AKT3: variants seen among roughly 807,000 people sequenced by gnomAD.
AKT3 encodes the protein RAC-gamma serine/threonine-protein kinase.
AKT3 carries 15 observed loss-of-function variants against 65.3 expected under a neutral mutation model. The ratio of observed to expected loss-of-function variants is 0.23; its 90% CI spans 0.15 to 0.35. The LOEUF (loss-of-function observed/expected upper bound fraction) is 0.35, where lower values mean the gene tolerates loss of function less well. AKT3 is among the 10% of genes least tolerant of loss of function. AKT3 has a pLI of 1.00. For missense variants in AKT3, 243 were observed against 576.5 expected, an observed-to-expected ratio of 0.42 and a Z score of 5.92; for synonymous variants, 206 against 183.8, an observed-to-expected ratio of 1.12 and a Z score of -0.98.
At position 243,503,178 on chromosome 1, in the gene AKT3, T is replaced by C; in HGVS notation, c.*2071A>G. 4.3e-6 allele frequency: 1 copy of C among 233,642 alleles called. No homozygotes were observed. Among genetic ancestry groups the C allele is most frequent in the Non-Finnish European group, 8.5e-6 (1 of 118,028 alleles). 14.5% of individuals were successfully genotyped at this position (233,642 alleles called of 1,614,324 possible). A position where few individuals can be genotyped will look rare whatever the true frequency, so the allele number is the denominator to read the frequency against. On this transcript the variant is annotated 3_prime_UTR_variant, in exon 14 of 14. Coordinates refer to ENST00000673466, the MANE Select transcript of AKT3 (RefSeq NM_005465.7). ...GTAACTTCCTACTCAATACTAAGGA[T>C]GAACTTCACTCAGGTAGAAATATGA...
chr1:243,642,461 C>T (rs1161394942), intron 5 of AKT3, among the ~76,000 whole-genome samples: 1 of 152,170 alleles, frequency 6.6e-6, no homozygotes, highest in Non-Finnish European at 1.5e-5. Context: ...AGGCGCCCGC[C>T]ACCACGCCTG....
At chr1:243,804,287 T>C (rs1198094533) in intron 2 of AKT3, among the ~76,000 whole-genome samples, 2 of 152,214 alleles carry the variant, frequency 1.3e-5, no homozygotes, top group Non-Finnish European at 2.9e-5. Context: ...AATTAATCAT[T>C]TTGTCTATCT....
intron 2 of AKT3, among the ~76,000 whole-genome samples, chr1:243,778,917 ATTC>A (rs1352164478): frequency 7.0e-6 from 1 of 142,140 alleles, no homozygotes; most frequent in Non-Finnish European, 1.5e-5. Flanking sequence ...TATTCTTCCG[ATTC>A]TTTTTTTTTT....
At chr1:243,711,164 C>A (rs1047795991) in intron 2 of AKT3, among the ~76,000 whole-genome samples, 18 of 152,018 alleles carry the variant, frequency 1.2e-4, no homozygotes, top group Non-Finnish European at 2.1e-4. Context: ...ACTAAAAATA[C>A]AAAAATTAGC....
At position 243,629,668 on chromosome 1, in the gene AKT3, T is replaced by C. The variant is rs28495986; in HGVS notation, c.561+7943A>G. 2.6e-3 allele frequency among the ~76,000 whole-genome samples: 402 copies of C among 152,226 alleles called. 3 individuals are homozygous for C. The highest frequency in any genetic ancestry group is 9.2e-3 in the African/African-American group (381 of 41,524). ...TTAGCCAGGCGTGGTGGTGGGCACC[T>C]GTAGTCCCAGCTACTCAGGAGGCTG... On this transcript the variant is annotated intron_variant, in intron 6 of 13. Coordinates refer to ENST00000673466, the MANE Select transcript of AKT3 (RefSeq NM_005465.7).
In AKT3 at chr1:243,850,101, G is replaced by A. The variant is rs1481479668; in HGVS notation, c.-174C>T. ...TGCTCGGGCGGCGGCGGAGGATGGA[G>A]CCGGGGGGGGGCGGGGGGAGGAGAG... On this transcript the variant is annotated 5_prime_UTR_variant, in exon 1 of 14. Transcript: ENST00000673466. The A allele has an allele frequency of 1.0e-5, 2 of 196,740 alleles. No individual in the cohort carries two copies. Among genetic ancestry groups the A allele is most frequent in the African/African-American group, 5.0e-5 (2 of 40,378 alleles). 12.2% of individuals were successfully genotyped at this position (196,740 alleles called of 1,614,324 possible).
chr1:243,741,424 C>CCA (rs1408967997), intron 2 of AKT3, among the ~76,000 whole-genome samples: 7 of 152,094 alleles, frequency 4.6e-5, no homozygotes, highest in African/African-American at 7.2e-5. Context: ...TTTACAGTGA[C>CCA]CATTCTATCA....
intron 12 of AKT3, among the ~76,000 whole-genome samples, chr1:243,532,804 C>T (rs1013126888): frequency 1.2e-4 from 18 of 152,090 alleles, no homozygotes; most frequent in African/African-American, 4.3e-4. Context: ...GGGAGGTTTG[C>T]GATTAGTGAT....
chr1:243,644,072 G>A (rs1680632084), intron 5 of AKT3, among the ~76,000 whole-genome samples: 1 of 152,102 alleles, frequency 6.6e-6, no homozygotes, highest in Non-Finnish European at 1.5e-5. Context: ...AAAGTTAACA[G>A]AACTTCAAAC....
chr1:243,627,171 CAGA>C (rs1262496751), intron 6 of AKT3, among the ~76,000 whole-genome samples: 1 of 152,094 alleles, frequency 6.6e-6, no homozygotes, highest in African/African-American at 2.4e-5. Flanking sequence ...GACATGGTTT[CAGA>C]AGTTCTCAAA....
intron 6 of AKT3, among the ~76,000 whole-genome samples, chr1:243,624,023 T>C (rs1437902656): frequency 2.0e-5 from 3 of 152,176 alleles, no homozygotes; most frequent in Admixed American, 6.5e-5. Context: ...ACAATAACCA[T>C]GAGTCTTTTC....
intron 8 of AKT3, among the ~76,000 whole-genome samples, chr1:243,597,946 G>C (rs1184112573): frequency 6.6e-6 from 1 of 152,150 alleles, no homozygotes; most frequent in Non-Finnish European, 1.5e-5. Context: ...TCTCTGTAAT[G>C]AATGTACATT....
chr1:243,548,057 G>C (rs1672796928), intron 11 of AKT3: 1 of 152,172 alleles, frequency 6.6e-6, no homozygotes. Context: ...AAACTCCTTT[G>C]AAGGCAAGAT....
intron 3 of AKT3, among the ~76,000 whole-genome samples, chr1:243,688,347 T>C (rs1160718282): frequency 2.0e-5 from 3 of 152,134 alleles, no homozygotes; most frequent in African/African-American, 7.2e-5. Context: ...ATATAGGCTA[T>C]AAACACAGTT....
At chr1:243,497,569 G>A (rs1668330630), downstream of AKT3, among the ~76,000 whole-genome samples, 1 of 152,168 alleles carries the variant, frequency 6.6e-6, no homozygotes, top group African/African-American at 2.4e-5. Context: ...TTCTGGAACA[G>A]CTCCGATAGT....
At chr1:243,667,702 G>A (rs1193001714) in intron 3 of AKT3, among the ~76,000 whole-genome samples, 1 of 152,174 alleles carries the variant, frequency 6.6e-6, no homozygotes, top group Non-Finnish European at 1.5e-5. Context: ...AAGTTCTGCA[G>A]TGTTTCAGTT....
intron 13 of AKT3, among the ~76,000 whole-genome samples, chr1:243,509,345 A>G (rs1669876039): frequency 6.6e-6 from 1 of 152,218 alleles, no homozygotes; most frequent in Non-Finnish European, 1.5e-5. Flanking sequence ...ATTGAGCAAT[A>G]AAATGCACAC....
chr1:243,772,953 C>T (rs1464993118), intron 2 of AKT3, among the ~76,000 whole-genome samples: 1 of 148,036 alleles, frequency 6.8e-6, no homozygotes, highest in African/African-American at 2.5e-5. Context: ...AACCAAACAC[C>T]GCATGTTCTC....
At chr1:243,724,564 G>T (rs780374306) in intron 2 of AKT3, among the ~76,000 whole-genome samples, 1 of 152,048 alleles carries the variant, frequency 6.6e-6, no homozygotes, top group Non-Finnish European at 1.5e-5. Flanking sequence ...TGAATCTTCA[G>T]TTTTTGTGTA....
Sources: gnomAD v4.1 joint callset for allele counts (sites outside exome capture counted in the v4.1 genomes callset) on GRCh38, gnomAD v4.1.1 for gene constraint, MANE v1.5 for transcripts, NCBI Gene and HGNC (gene_info 2026-07-23, HGNC 2026-07-21) for gene names.